The following ANKRD52 variants were observed in gnomAD, a reference collection of about 807,000 sequenced individuals.
The protein encoded by ANKRD52 is ankyrin repeat domain 52, also known as serine/threonine-protein phosphatase 6 regulatory ankyrin repeat subunit C.
ANKRD52 carries 7 observed loss-of-function variants against 116.0 expected under a neutral mutation model. The observed-to-expected ratio is 0.06, with a 90% CI of 0.03 to 0.11. The LOEUF is 0.11. Among genes scored for constraint, ANKRD52 ranks in the 10% least tolerant of loss-of-function variants. The pLI is 1.00. For synonymous variants in ANKRD52, 528 were observed against 578.1 expected, an observed-to-expected ratio of 0.91 and a Z score of 1.24; for missense variants, 839 against 1,408.6, an observed-to-expected ratio of 0.60 and a Z score of 6.47.
intron 20 of ANKRD52, among the ~76,000 whole-genome samples, chr12:56,247,251 T>C (rs1461569518): frequency 1.4e-5 from 2 of 147,092 alleles, no homozygotes; most frequent in Non-Finnish European, 3.0e-5. Context: ...GAGGCTGAGG[T>C]GCGAGAATCA....
At chr12:56,245,298 C>T in intron 21 of ANKRD52, 79 bp downstream of exon 21, 1 of 1,599,560 alleles carries the variant, frequency 6.3e-7, no homozygotes, top group Non-Finnish European at 8.5e-7. Context: ...AACCCAGGTC[C>T]CCCCCAACAA....
In ANKRD52 at chr12:56,247,415, G is replaced by A. The variant is rs113612351; in HGVS notation, c.2184+78C>T. 8 of 1,184,768 alleles carry A rather than the reference G, an allele frequency of 6.8e-6. No homozygotes were observed. In the African/African-American group the frequency reaches 9.3e-5, roughly 14 times the overall value. The allele number at this position is 1,184,768 out of a possible 1,614,324, so 73.4% of individuals were successfully genotyped here. The stretch of plus-strand genomic sequence containing the variant: ...TCCTGGCTTGCCTCCTAGACAATTG[G>A]ATTCCCTACTGCTGGTGAGTCCCAT... On this transcript the variant is annotated intron_variant, in intron 20 of 27. Transcript: ENST00000267116.
At position 56,253,362 on chromosome 12, in the gene ANKRD52, T is replaced by A; in HGVS notation, c.1026A>T (p.Pro342=). ...IDCADKFGNT[P]LHVAARYGHE... ...GTCCATATCGAGCAGCCACATGCAGTGGCGTGTTCCCAAATTTGTCGGCAC... is the reference window on the plus strand; with the variant it reads ...GTCCATATCGAGCAGCCACATGCAGAGGCGTGTTCCCAAATTTGTCGGCAC... Residue 342 remains proline, a synonymous_variant, in exon 10 of 28, where the codon CCA becomes CCT. Coordinates refer to ENST00000267116, the MANE Select transcript of ANKRD52 (RefSeq NM_173595.4). This position sits in a 1 kb window ranked among gnomAD's most constrained non-coding sequence, Gnocchi z 5.5. The A allele has an allele frequency of 1.9e-6, 3 of 1,613,976 alleles. No homozygotes were observed. Among genetic ancestry groups the A allele is most frequent in the Non-Finnish European group, 1.7e-6 (2 of 1,179,848 alleles).
intron 20 of ANKRD52, among the ~76,000 whole-genome samples, chr12:56,246,590 A>T (rs1296129673): frequency 6.6e-6 from 1 of 152,052 alleles, no homozygotes; most frequent in African/African-American, 2.4e-5. Flanking sequence ...TCCCAGGTAG[A>T]GTCTGGGTGG....
chr12:56,248,174 C>T lies in ANKRD52; in HGVS notation c.1827G>A (p.Val609=). The change falls in exon 18 of 28, where the codon GTG becomes GTA. Residue 609 remains valine, a synonymous_variant. Coordinates refer to ENST00000267116, the MANE Select transcript of ANKRD52 (RefSeq NM_173595.4). The surrounding 1 kb of genome is among the most constrained non-coding windows in gnomAD (Gnocchi z 5.1). The stretch of plus-strand genomic sequence containing the variant: ...CCTTGTGGTCCCTTACGTCCAGATT[C>T]ACCAGCGTCTCCGCCAGCGTCTTCA... ...EALKTLAETL[V]NLDVRDHKGR... 6.2e-7 allele frequency: 1 copy of T among 1,613,968 alleles called. No homozygotes were observed. The highest frequency in any genetic ancestry group is 1.3e-5 in the African/African-American group (1 of 75,046).
Position 56,253,273 on chromosome 12 carries a change from G to A in ANKRD52, c.1100+15C>T, listed in dbSNP as rs778877971. 2.1e-5 allele frequency: 34 copies of A among 1,604,212 alleles called. No homozygotes were observed. The highest frequency in any genetic ancestry group is 1.8e-4 in the South Asian group (16 of 90,590). On this transcript the variant is annotated intron_variant, in intron 10 of 27. Coordinates refer to ENST00000267116, the MANE Select transcript of ANKRD52 (RefSeq NM_173595.4). The surrounding 1 kb of genome is among the most constrained non-coding windows in gnomAD (Gnocchi z 5.5). The stretch of plus-strand genomic sequence containing the variant: ...ATCTGGGCAGCCCAGAAGTGGAGTC[G>A]GGGCCCTGACTCACCGGGCGGTATC...
chr12:56,250,368 G>GTT (rs1237579487), intron 15 of ANKRD52, among the ~76,000 whole-genome samples: 4 of 139,940 alleles, frequency 2.9e-5, no homozygotes, highest in Admixed American at 1.4e-4. Context: ...ATTTTTGTGG[G>GTT]TTTTTTTTTT....
intron 15 of ANKRD52, among the ~76,000 whole-genome samples, chr12:56,251,398 C>A (rs1871686635): frequency 6.6e-6 from 1 of 151,038 alleles, no homozygotes; most frequent in African/African-American, 2.4e-5. Flanking sequence ...GCGTGTGCCA[C>A]CACACCTGGT....
chr12:56,246,404 G>A (rs1447523262), intron 20 of ANKRD52, among the ~76,000 whole-genome samples: 1 of 152,090 alleles, frequency 6.6e-6, no homozygotes, highest in Non-Finnish European at 1.5e-5. Context: ...CAGACAATCA[G>A]GATACTAAGA....
chr12:56,257,622 C>A (rs1872020952), intron 2 of ANKRD52, among the ~76,000 whole-genome samples: 1 of 152,032 alleles, frequency 6.6e-6, no homozygotes, highest in Non-Finnish European at 1.5e-5. Flanking sequence ...GAACAACGTT[C>A]CTGGGCATTC....
chr12:56,256,071 C>A, intron 4 of ANKRD52, 87 bp from the exon 5 acceptor site: 1 of 1,292,044 alleles, frequency 7.7e-7, no homozygotes, highest in Non-Finnish European at 1.1e-6. Context: ...AGCATAGCAT[C>A]TACAGCCCCT....
At position 56,252,103 on chromosome 12, in the gene ANKRD52, A is replaced by G; in HGVS notation, c.1512-8T>C. ...GGTGTATGGGGTTCCGCTCTGGGGA[A>G]GAGAGAGAGAAAGTTAGGGCCAGGC... On this transcript the variant is annotated splice_polypyrimidine_tract_variant and splice_region_variant and intron_variant, in intron 14 of 27. Transcript: ENST00000267116. This position sits in a 1 kb window ranked among gnomAD's most constrained non-coding sequence, Gnocchi z 4.7. The G allele has an allele frequency of 6.2e-7, 1 of 1,612,992 alleles. No homozygotes were observed. The highest frequency in any genetic ancestry group is 8.5e-7 in the Non-Finnish European group (1 of 1,179,320).
Position 56,253,830 on chromosome 12 carries a change from G to GT in ANKRD52, c.907-31dup, listed in dbSNP as rs201083768. The GT allele has an allele frequency of 2.0e-3, 3,134 of 1,570,628 alleles. 6 individuals carry two copies. The highest frequency in any genetic ancestry group is 0.017 in the African/African-American group (1,225 of 72,744). On this transcript the variant is annotated intron_variant, in intron 8 of 27. Transcript: ENST00000267116. This position sits in a 1 kb window ranked among gnomAD's most constrained non-coding sequence, Gnocchi z 5.5. Reference sequence around the variant, plus strand: ...GGAAACATGGTGGGTTTTTGTTTTTGTTTTTTTTTCCAGTGCAAAGCACAG... The same window carrying GT: ...GGAAACATGGTGGGTTTTTGTTTTTGTTTTTTTTTTCCAGTGCAAAGCACAG...
chr12:56,254,306 T>C lies in ANKRD52; in HGVS notation c.694-27A>G. 6.2e-7 allele frequency: 1 copy of C among 1,605,208 alleles called. No homozygotes were observed. The highest frequency in any genetic ancestry group is 8.5e-7 in the Non-Finnish European group (1 of 1,174,264). On this transcript the variant is annotated intron_variant, in intron 7 of 27. Coordinates refer to ENST00000267116, the MANE Select transcript of ANKRD52 (RefSeq NM_173595.4). The surrounding 1 kb of genome is among the most constrained non-coding windows in gnomAD (Gnocchi z 4.6). ...TGGATATTCAGGGGTGAGAGTAAGGTGGTATCAGTTTAAACAAAGTAGAAG... is the reference window on the plus strand; with the variant it reads ...TGGATATTCAGGGGTGAGAGTAAGGCGGTATCAGTTTAAACAAAGTAGAAG...
chr12:56,239,400 G>A lies in ANKRD52; in HGVS notation c.*3742C>T, dbSNP rs1871064181. 6.6e-6 allele frequency: 1 copy of A among 152,234 alleles called. No individual in the cohort carries two copies. Among genetic ancestry groups the A allele is most frequent in the South Asian group, 2.1e-4 (1 of 4,834 alleles). The allele number at this position is 152,234 out of a possible 1,614,324, so 9.4% of individuals were successfully genotyped here. ...CTTATCCCTCCTTCTTAAAAGGTAG[G>A]GTTCAAACTAGGCGGGATGGGGGCC... is the stretch of plus-strand genomic sequence containing the variant. On this transcript the variant is annotated 3_prime_UTR_variant, in exon 28 of 28. Transcript: ENST00000267116.
rs1871253480 is a variant in ANKRD52 at position 56,243,398 on chromosome 12, G to A, written c.2981-6C>T. On this transcript the variant is annotated splice_region_variant and splice_polypyrimidine_tract_variant and intron_variant, in intron 27 of 27. Transcript: ENST00000267116. The surrounding 1 kb of genome is among the most constrained non-coding windows in gnomAD (Gnocchi z 4.6). ...GGCCAGTGCTGGGGTGTGACCTGCAGGGCCAAGGGGGAGAACTGAGGCATA... is the reference window on the plus strand; with the variant it reads ...GGCCAGTGCTGGGGTGTGACCTGCAAGGCCAAGGGGGAGAACTGAGGCATA... The A allele has an allele frequency of 6.2e-7, 1 of 1,613,268 alleles. No individual in the cohort carries two copies. Among genetic ancestry groups the A allele is most frequent in the Non-Finnish European group, 8.5e-7 (1 of 1,179,546 alleles).
chr12:56,241,296 G>C lies in ANKRD52; in HGVS notation c.*1846C>G, dbSNP rs78495928. On this transcript the variant is annotated 3_prime_UTR_variant, in exon 28 of 28. Coordinates refer to ENST00000267116, the MANE Select transcript of ANKRD52 (RefSeq NM_173595.4). ...GGGAGAAGCAAAACACAGAGAGACAGGGGATCAAAAGGGACCATGAAAAGA... is the reference window on the plus strand; with the variant it reads ...GGGAGAAGCAAAACACAGAGAGACACGGGATCAAAAGGGACCATGAAAAGA... 0.046 allele frequency: 7,046 copies of C among 152,306 alleles called. 230 individuals are homozygous for C. The highest frequency in any genetic ancestry group is 0.069 in the Non-Finnish European group (4,676 of 68,042). The allele number at this position is 152,306 out of a possible 1,614,324, so 9.4% of individuals were successfully genotyped here.
chr12:56,241,629 G>A lies in ANKRD52; in HGVS notation c.*1513C>T, dbSNP rs1228016028. 1.5e-5 allele frequency: 3 copies of A among 203,552 alleles called. No individual in the cohort carries two copies. The highest frequency in any genetic ancestry group is 2.1e-4 in the East Asian group (2 of 9,606). The allele number at this position is 203,552 out of a possible 1,614,324, so 12.6% of individuals were successfully genotyped here. ...AACTGGGCAAGGATGCAGTGTGGGG[G>A]CGGAGGGGGCATGACCTCTATTCAA... On this transcript the variant is annotated 3_prime_UTR_variant, in exon 28 of 28. Coordinates refer to ENST00000267116, the MANE Select transcript of ANKRD52 (RefSeq NM_173595.4).
At chr12:56,245,680 G>A (rs2135879937) in intron 20 of ANKRD52, 84 bp from the exon 21 acceptor site, 1 of 969,686 alleles carries the variant, frequency 1.0e-6, no homozygotes, top group Non-Finnish European at 1.5e-6. Context: ...TCAGGAGTAA[G>A]AACCACTTCC....
Sources: gnomAD v4.1 joint callset for allele counts (sites outside exome capture counted in the v4.1 genomes callset) on GRCh38, gnomAD v4.1.1 for gene constraint, Gnocchi (gnomAD v3.1) non-coding constraint, MANE v1.5 for transcripts, NCBI Gene and HGNC (gene_info 2026-07-23, HGNC 2026-07-21) for gene names.